Variants in SVEP1 observed in about 807,000 individuals in gnomAD.
The protein encoded by SVEP1 is sushi, von Willebrand factor type A, EGF and pentraxin domain containing 1.
SVEP1 carries 164 observed loss-of-function variants against 367.3 expected under a neutral mutation model. That is an observed-to-expected ratio of 0.45 (90% CI 0.39 to 0.51). The LOEUF (loss-of-function observed/expected upper bound fraction) is 0.51. SVEP1 is among the 20% of genes least tolerant of loss of function. The pLI, the probability that SVEP1 is intolerant of heterozygous loss-of-function variation, is 0.00. For synonymous variants in SVEP1, 1,666 were observed against 1,611.6 expected (o/e 1.03, Z -0.81); for missense variants, 4,117 against 4,425.3 (o/e 0.93, Z 1.98).
rs1160522366 is a variant in SVEP1 at position 110,526,114 on chromosome 9, C to G, written c.965-12008G>C. Among the ~76,000 whole-genome samples, 6 of 151,998 alleles carry G rather than the reference C, an allele frequency of 3.9e-5. No individual in the cohort carries two copies. The East Asian group carries it at 1.2e-3, about 29-fold the overall frequency. ...AACATAGGAGAAAATCTTCAGGAAC[C>G]AGTATTAGCCAAAGAGTTCTTAGAC... On this transcript the variant is annotated intron_variant, in intron 3 of 47. Transcript: ENST00000374469.
Position 110,529,349 on chromosome 9 carries a change from C to A in SVEP1, c.965-15243G>T, listed in dbSNP as rs1829986849. Among the ~76,000 whole-genome samples the A allele has an allele frequency of 3.3e-5, 5 of 151,840 alleles. No homozygotes were observed. The South Asian group carries it at 1.0e-3, about 32-fold the overall frequency. ...TCTTTTTGCTTTGGCTCTTTGGGAT[C>A]TTATTTGGCTCCATATGAATTTTAA... On this transcript the variant is annotated intron_variant, in intron 3 of 47. Transcript: ENST00000374469.
chr9:110,475,632 C>T (rs1274447377), intron 14 of SVEP1, among the ~76,000 whole-genome samples: 1 of 151,590 alleles, frequency 6.6e-6, no homozygotes, highest in Admixed American at 6.6e-5. Context: ...AACTCCTGGG[C>T]TCAAGGGATC....
chr9:110,426,117 A>G (rs1828249617), intron 36 of SVEP1, among the ~76,000 whole-genome samples: 1 of 152,216 alleles, frequency 6.6e-6, no homozygotes, highest in South Asian at 2.1e-4. Flanking sequence ...TAGATGGGAC[A>G]ATCAAAAGCC....
rs182788417 is a variant in SVEP1 at position 110,382,884 on chromosome 9, G to A, written c.10237+3014C>T. 3.3e-5 allele frequency among the ~76,000 whole-genome samples: 5 copies of A among 152,214 alleles called. No individual in the cohort carries two copies. The East Asian group carries it at 5.8e-4, about 18-fold the overall frequency. ...ATACTTGTTGCATTGTGAAGTTCTC[G>A]TGTTGTGTTTTTCAGCTCCATCAGG... is the stretch of plus-strand genomic sequence containing the variant. On this transcript the variant is annotated intron_variant, in intron 43 of 47. Transcript: ENST00000374469.
chr9:110,380,029 G>A (rs547322503), intron 43 of SVEP1, among the ~76,000 whole-genome samples: 117 of 152,264 alleles, frequency 7.7e-4, no homozygotes, highest in Non-Finnish European at 1.3e-3. Flanking sequence ...GTCTATAGAT[G>A]CTCAGTGAAT....
chr9:110,434,434 A>G lies in SVEP1; in HGVS notation c.4961T>C (p.Val1654Ala), dbSNP rs1389901189. The change falls in exon 30 of 48, where the codon GTC becomes GCC. Residue 1654 changes from valine to alanine, a missense_variant. Physicochemically the swap from Val to Ala is moderately conservative, Grantham distance 64. Transcript: ENST00000374469. ...ASEDLKPGSKVNLFCDPGFQL... is the reference protein window; with the variant it reads ...ASEDLKPGSKANLFCDPGFQL... Reference sequence around the variant, plus strand: ...GAAGCCTGGATCACAGAACAGATTGACTTTGGAACCTGGCTTTAAATCTTC... The same window carrying G: ...GAAGCCTGGATCACAGAACAGATTGGCTTTGGAACCTGGCTTTAAATCTTC... 6.2e-7 allele frequency: 1 copy of G among 1,613,448 alleles called. No homozygotes were observed. The highest frequency in any genetic ancestry group is 1.3e-5 in the African/African-American group (1 of 74,870).
At chr9:110,464,512 G>T (rs1828906533) in intron 18 of SVEP1, among the ~76,000 whole-genome samples, 1 of 152,086 alleles carries the variant, frequency 6.6e-6, no homozygotes. Flanking sequence ...GCCCCTTCCT[G>T]CCCTTGCACA....
In SVEP1 at chr9:110,407,598, G is replaced by A. The variant is rs1424932634; in HGVS notation, c.8002C>T (p.Pro2668Ser). 3 of 1,613,996 alleles carry A rather than the reference G, an allele frequency of 1.9e-6. No individual in the cohort carries two copies. The highest frequency in any genetic ancestry group is 1.7e-5 in the Admixed American group (1 of 60,022). ...AKTWENTKES[P>S]ATHSSNFLYG... is the part of the protein sequence containing the mutation. ...AGAAAGTTTGATGAATGTGTAGCAG[G>A]AGACTCCTTTGTATTTTCCCAGGTT... Residue 2668 changes from proline to serine, a missense_variant, in exon 38 of 48, where the codon CCT becomes TCT. By Grantham distance (74) the Pro-to-Ser change is moderately conservative. Transcript: ENST00000374469.
chr9:110,498,601 T>G (rs1255723905), intron 7 of SVEP1, among the ~76,000 whole-genome samples: 1 of 152,216 alleles, frequency 6.6e-6, no homozygotes. Context: ...TTCTAAGAAC[T>G]CTTTTCTGTT....
chr9:110,391,275 T>A (rs1827651415), intron 40 of SVEP1, among the ~76,000 whole-genome samples: 1 of 149,838 alleles, frequency 6.7e-6, no homozygotes, highest in African/African-American at 2.4e-5. Flanking sequence ...TTTTGTCTTT[T>A]TTTTTTTTTT....
At chr9:110,529,857 C>T (rs1829995516) in intron 3 of SVEP1, among the ~76,000 whole-genome samples, 1 of 151,880 alleles carries the variant, frequency 6.6e-6, no homozygotes, top group Non-Finnish European at 1.5e-5. Context: ...CTCTTTAGTT[C>T]TTCTTTCTGA....
At chr9:110,441,743 A>C (rs1828512648) in intron 27 of SVEP1, among the ~76,000 whole-genome samples, 1 of 152,210 alleles carries the variant, frequency 6.6e-6, no homozygotes, top group African/African-American at 2.4e-5. Context: ...CTGTCCCTGC[A>C]CTGGGGAGTC....
intron 3 of SVEP1, among the ~76,000 whole-genome samples, chr9:110,535,959 T>C (rs919340920): frequency 6.6e-6 from 1 of 152,090 alleles, no homozygotes; most frequent in East Asian, 1.9e-4. Context: ...CCTTTATTTC[T>C]TTCTGTTGCC....
intron 36 of SVEP1, among the ~76,000 whole-genome samples, chr9:110,423,395 T>G (rs1828206069): frequency 6.6e-6 from 1 of 151,946 alleles, no homozygotes; most frequent in Non-Finnish European, 1.5e-5. Context: ...AAAAAATTAA[T>G]AGACATGTAA....
chr9:110,478,930 T>C (rs537058112), intron 13 of SVEP1, among the ~76,000 whole-genome samples: 15 of 151,876 alleles, frequency 9.9e-5, no homozygotes, highest in Admixed American at 8.5e-4. Flanking sequence ...TCTTCTTCTT[T>C]TTTTTTTTAG....
intron 6 of SVEP1, among the ~76,000 whole-genome samples, chr9:110,499,996 T>C (rs529839411): frequency 2.0e-5 from 3 of 152,370 alleles, no homozygotes; most frequent in African/African-American, 7.2e-5. Context: ...CTAAGCACTT[T>C]GCATGTATTA....
At chr9:110,382,598 T>G (rs1413066443) in intron 43 of SVEP1, among the ~76,000 whole-genome samples, 1 of 152,196 alleles carries the variant, frequency 6.6e-6, no homozygotes, top group Non-Finnish European at 1.5e-5. Context: ...TTTCCTGAAC[T>G]GGAATGTTGG....
chr9:110,487,819 G>C (rs61186077), intron 9 of SVEP1, among the ~76,000 whole-genome samples: 1 of 152,048 alleles, frequency 6.6e-6, no homozygotes, highest in Admixed American at 6.6e-5. Context: ...TTTACTTTTG[G>C]ATAAAGAAAT....
chr9:110,568,689 C>T (rs1830519265), intron 1 of SVEP1, among the ~76,000 whole-genome samples: 2 of 152,074 alleles, frequency 1.3e-5, no homozygotes, highest in African/African-American at 4.8e-5. Context: ...ATTACAAATG[C>T]ACAAGTTTAT....
Sources: gnomAD v4.1 joint callset for allele counts (sites outside exome capture counted in the v4.1 genomes callset) on GRCh38, gnomAD v4.1.1 for gene constraint, MANE v1.5 for transcripts, NCBI Gene and HGNC (gene_info 2026-07-23, HGNC 2026-07-21) for gene names.